The following DHX32 variants were observed in gnomAD, a reference collection of about 807,000 sequenced individuals.
DHX32 encodes DEAH-box helicase 32 (putative).
In DHX32, 51 loss-of-function variants were observed where a neutral mutation model predicts 70.0. The observed-to-expected ratio is 0.73, with a 90% CI of 0.58 to 0.92. The LOEUF is 0.92. Among genes scored for constraint, DHX32 ranks in the 40% least tolerant of loss-of-function variants. The pLI, the probability that DHX32 is intolerant of heterozygous loss-of-function variation, is 0.00. For missense variants in DHX32, 762 were observed against 891.8 expected, an observed-to-expected ratio of 0.85 and a Z score of 1.85; for synonymous variants, 310 against 315.3, an observed-to-expected ratio of 0.98 and a Z score of 0.18.
At chr10:125,868,010 T>C in intron 1 of DHX32, among the ~76,000 whole-genome samples, 1 of 152,182 alleles carries the variant, frequency 6.6e-6, no homozygotes, top group East Asian at 1.9e-4. Flanking sequence ...AACATTTCTC[T>C]GATAATAAAA....
chr10:125,857,456 C>T (rs1438576667), intron 3 of DHX32, among the ~76,000 whole-genome samples: 2 of 152,186 alleles, frequency 1.3e-5, no homozygotes, highest in East Asian at 3.9e-4. Context: ...CAGTGCTCCG[C>T]CTGGGTCACA....
rs565516952 is a variant in DHX32, at chr10:125,894,502, T to G, written c.-248+1716A>C. ...GTTGCTTTTCACAGTTGCCTTTACT[T>G]GTCACCTAAAGTATTTCAATTCAAA... On this transcript the variant is annotated intron_variant, in intron 1 of 2. Transcript: ENST00000415732. Among the ~76,000 whole-genome samples the G allele has an allele frequency of 4.6e-3, 707 of 152,376 alleles. 1 individual carries two copies. Among genetic ancestry groups the G allele is most frequent in the African/African-American group, 0.015 (642 of 41,576 alleles).
chr10:125,836,376 C>T lies in DHX32; in HGVS notation c.*311G>A, dbSNP rs566626865. On this transcript the variant is annotated 3_prime_UTR_variant, in exon 11 of 11. Transcript: ENST00000284690. ...CAGACTTTATTCAGATTAAGTTCCTCTACAAAAAGTAGGGTTCTGTCCCAT... is the reference window on the plus strand; with the variant it reads ...CAGACTTTATTCAGATTAAGTTCCTTTACAAAAAGTAGGGTTCTGTCCCAT... 1 of 1,565,094 alleles carries T rather than the reference C, an allele frequency of 6.4e-7. No individual in the cohort carries two copies. The highest frequency in any genetic ancestry group is 1.4e-5 in the African/African-American group (1 of 72,526).
intron 1 of DHX32, among the ~76,000 whole-genome samples, chr10:125,894,226 AC>A (rs1277869921): frequency 6.0e-5 from 9 of 151,216 alleles, no homozygotes; most frequent in African/African-American, 1.7e-4. Context: ...TTCATCCCCC[AC>A]CCCTATCTCA....
rs149591498 is a variant in DHX32 at position 125,859,975 on chromosome 10, C to T, written c.477G>A (p.Arg159=). Residue 159 remains arginine (R), a splice_region_variant and synonymous_variant, in exon 3 of 11, where the codon AGG becomes AGA. Transcript: ENST00000284690. ...TTTGCAGCATATCATCAGTACAATA[C>T]CTATAAAGAAGAAACATTAAAGTTA... ...ENCCTNETIL[R]YCTDDMLQRE... is the part of the protein sequence containing the mutation. 898 of 1,537,438 alleles carry T rather than the reference C, an allele frequency of 5.8e-4. 5 individuals are homozygous for T. The African/African-American group carries it at 0.011, about 18-fold the overall frequency.
chr10:125,845,325 A>T (rs1373212067), intron 6 of DHX32, among the ~76,000 whole-genome samples: 4 of 152,246 alleles, frequency 2.6e-5, no homozygotes, highest in Non-Finnish European at 1.5e-5. Context: ...TCTTTGGCCT[A>T]CTTTCTGCCT....
In DHX32 at chr10:125,852,650, TG is replaced by T. The variant is rs942263596; in HGVS notation, c.1093-9del. The T allele has an allele frequency of 1.3e-6, 2 of 1,597,210 alleles. No individual in the cohort carries two copies. Among genetic ancestry groups the T allele is most frequent in the Non-Finnish European group, 1.7e-6 (2 of 1,173,910 alleles). On this transcript the variant is annotated splice_polypyrimidine_tract_variant and intron_variant, in intron 4 of 10. Coordinates refer to ENST00000284690, the MANE Select transcript of DHX32 (RefSeq NM_018180.3). Reference sequence around the variant, plus strand: ...TATTCTCGGGTTGTACACCTTTAAATGGAAAGACAGCATCATTAGCGTCAGA... The same window carrying T: ...TATTCTCGGGTTGTACACCTTTAAATGAAAGACAGCATCATTAGCGTCAGA...
At chr10:125,849,999 C>T (rs1767401900) in intron 6 of DHX32, among the ~76,000 whole-genome samples, 1 of 152,074 alleles carries the variant, frequency 6.6e-6, no homozygotes, top group South Asian at 2.1e-4. Context: ...CAGGGTCTTG[C>T]TCTGTCACCC....
Position 125,854,041 on chromosome 10 carries a change from A to C in DHX32, c.1012T>G (p.Leu338Val). 1 of 1,614,094 alleles carries C rather than the reference A, an allele frequency of 6.2e-7. No homozygotes were observed. Among genetic ancestry groups the C allele is most frequent in the Non-Finnish European group, 8.5e-7 (1 of 1,180,006 alleles). ...RCQVYQRRVV[L>V]TTSSGEFLIW... Reference sequence around the variant, plus strand: ...AAAAACTCTCCAGAGCTAGTAGTTAACACCACTCTTCTTTGATAAACTTGG... The same window carrying C: ...AAAAACTCTCCAGAGCTAGTAGTTACCACCACTCTTCTTTGATAAACTTGG... Residue 338 changes from leucine to valine, a missense_variant, in exon 4 of 11, where the codon TTA becomes GTA. Leu to Val is a conservative substitution (Grantham distance 32). Transcript: ENST00000284690.
At chr10:125,894,391 T>C (rs546876035) in intron 1 of DHX32, among the ~76,000 whole-genome samples, 2 of 152,354 alleles carry the variant, frequency 1.3e-5, no homozygotes, top group African/African-American at 4.8e-5. Flanking sequence ...ATATTGTCCC[T>C]GCCTCGGACA....
intron 1 of DHX32, among the ~76,000 whole-genome samples, chr10:125,879,486 C>T (rs556556526): frequency 5.8e-4 from 88 of 152,252 alleles, no homozygotes; most frequent in African/African-American, 2.1e-3. Flanking sequence ...TTCCCTAACT[C>T]GGAACTTTCC....
chr10:125,895,512 C>T (rs952560396), intron 1 of DHX32, among the ~76,000 whole-genome samples: 30 of 152,334 alleles, frequency 2.0e-4, no homozygotes, highest in Non-Finnish European at 3.7e-4. Flanking sequence ...ACCTATGATA[C>T]TCTCCTGGTT....
rs989564089 is a variant in DHX32, at chr10:125,888,995, G to C, written c.-248+7223C>G. ...GAATTGCTTGAATCTGGGAGGCGGA[G>C]GTTGCAGTGAGCTGAAGTGCGCCAC... On this transcript the variant is annotated intron_variant, in intron 1 of 2. Coordinates refer to the DHX32 transcript ENST00000415732. 2.0e-5 allele frequency among the ~76,000 whole-genome samples: 3 copies of C among 152,192 alleles called. No individual in the cohort carries two copies. In the East Asian group the frequency reaches 5.8e-4, roughly 29 times the overall value.
chr10:125,845,544 T>C (rs369811942), intron 6 of DHX32, among the ~76,000 whole-genome samples: 317 of 152,332 alleles, frequency 2.1e-3, no homozygotes, highest in African/African-American at 7.3e-3. Context: ...GCAGGGGGTC[T>C]CCTGGTAACC....
chr10:125,859,864 C>G lies in DHX32; in HGVS notation c.588G>C (p.Val196=), dbSNP rs1404911947. The change falls in exon 3 of 11, where the codon GTG becomes GTC. Residue 196 remains valine (V), a synonymous_variant. Coordinates refer to ENST00000284690, the MANE Select transcript of DHX32 (RefSeq NM_018180.3). ...AAACATCTTTAAGAAGTCCAAGTAACACATCAGTTGCAATGCTTCTTTCAT... is the reference window on the plus strand; with the variant it reads ...AAACATCTTTAAGAAGTCCAAGTAAGACATCAGTTGCAATGCTTCTTTCAT... ...DIHERSIATD[V]LLGLLKDVLL... The G allele has an allele frequency of 6.2e-7, 1 of 1,614,094 alleles. No individual in the cohort carries two copies. Among genetic ancestry groups the G allele is most frequent in the Admixed American group, 1.7e-5 (1 of 60,022 alleles).
At position 125,888,312 on chromosome 10, in the gene DHX32, T is replaced by C. The variant is rs1408413240; in HGVS notation, c.-247-7241A>G. On this transcript the variant is annotated intron_variant, in intron 1 of 2. Coordinates refer to the DHX32 transcript ENST00000415732. ...TCCAACTTCTGGGCTCAATTGATCA[T>C]CCTGCCTCAGTCTCTCGAGTAGTGG... is the stretch of plus-strand genomic sequence containing the variant. 1.6e-4 allele frequency among the ~76,000 whole-genome samples: 25 copies of C among 151,790 alleles called. 1 individual carries two copies. Among genetic ancestry groups the C allele is most frequent in the South Asian group, 2.1e-4 (1 of 4,794 alleles).
rs761523347 is a variant in DHX32 at position 125,836,753 on chromosome 10, T to C, written c.2166A>G (p.Thr722=). The C allele has an allele frequency of 6.2e-7, 1 of 1,614,212 alleles. No individual in the cohort carries two copies. Among genetic ancestry groups the C allele is most frequent in the Admixed American group, 1.7e-5 (1 of 60,032 alleles). The change falls in exon 11 of 11, where the codon ACA becomes ACG. Residue 722 remains threonine (T), a synonymous_variant. Transcript: ENST00000284690. ...CACACATTTGCTGTTCCTTATTCAT[T>C]GTTGACACAGGGGATAGGTGATCCA... is the stretch of plus-strand genomic sequence containing the variant. ...QVVDHLSPVS[T]MNKEQQMCET...
At chr10:125,840,295 T>C (rs1382517661) in intron 8 of DHX32, among the ~76,000 whole-genome samples, 1 of 152,196 alleles carries the variant, frequency 6.6e-6, no homozygotes, top group Non-Finnish European at 1.5e-5. Flanking sequence ...CAAAGGACTT[T>C]GTGGCTTTGC....
chr10:125,857,583 A>G (rs568834924), intron 3 of DHX32, among the ~76,000 whole-genome samples: 1 of 152,322 alleles, frequency 6.6e-6, no homozygotes, highest in East Asian at 1.9e-4. Flanking sequence ...GGGAAATTAC[A>G]TACCTCTCCA....
Sources: gnomAD v4.1 joint callset for allele counts (sites outside exome capture counted in the v4.1 genomes callset) on GRCh38, gnomAD v4.1.1 for gene constraint, MANE v1.5 for transcripts, NCBI Gene and HGNC (gene_info 2026-07-23, HGNC 2026-07-21) for gene names.